AGBL4: variants seen among roughly 807,000 people sequenced by gnomAD.
The protein encoded by AGBL4 is cytosolic carboxypeptidase 6.
In AGBL4, 58 loss-of-function variants were observed where a neutral mutation model predicts 66.4. That is an observed-to-expected ratio of 0.87 (90% CI 0.71 to 1.09). The LOEUF is 1.09. Among genes scored for constraint, AGBL4 ranks in the 50% least tolerant of loss-of-function variants. The pLI, the probability that AGBL4 is intolerant of heterozygous loss-of-function variation, is 0.00. For synonymous variants in AGBL4, 234 were observed against 222.9 expected (o/e 1.05, Z -0.44); for missense variants, 579 against 631.0 (o/e 0.92, Z 0.88).
At chr1:48,531,698 A>G (rs1457418162), downstream of AGBL4, among the ~76,000 whole-genome samples, 3 of 152,070 alleles carry the variant, frequency 2.0e-5, no homozygotes, top group Non-Finnish European at 4.4e-5. Flanking sequence ...TTGTCCAATG[A>G]TGTCTGTTTA....
chr1:48,598,173 G>A (rs890586592), intron 9 of AGBL4, among the ~76,000 whole-genome samples: 3 of 152,184 alleles, frequency 2.0e-5, no homozygotes, highest in African/African-American at 7.2e-5. Flanking sequence ...CCTATGTACA[G>A]TAGAAAGACA....
chr1:49,476,498 C>T (rs755988788), intron 3 of AGBL4, among the ~76,000 whole-genome samples: 6 of 151,838 alleles, frequency 4.0e-5, no homozygotes, highest in East Asian at 1.9e-4. Context: ...ATGCTGTCAG[C>T]GAGATGTTGA....
intron 3 of AGBL4, among the ~76,000 whole-genome samples, chr1:49,602,634 C>T (rs1004546733): frequency 3.3e-5 from 5 of 151,574 alleles, no homozygotes; most frequent in African/African-American, 1.2e-4. Context: ...TAGGTGGGAG[C>T]TGGACAATGA....
chr1:48,877,287 A>G (rs1009897134), intron 5 of AGBL4, among the ~76,000 whole-genome samples: 1 of 152,164 alleles, frequency 6.6e-6, no homozygotes, highest in South Asian at 2.1e-4. Flanking sequence ...TTCCAAAGTT[A>G]TGCTATTTAT....
At chr1:49,291,901 C>A (rs953046935) in intron 3 of AGBL4, among the ~76,000 whole-genome samples, 9 of 152,162 alleles carry the variant, frequency 5.9e-5, no homozygotes, top group African/African-American at 2.2e-4. Flanking sequence ...CCCAAGCCAT[C>A]GATATGGAAC....
intron 7 of AGBL4, among the ~76,000 whole-genome samples, chr1:48,656,181 G>A (rs1418805542): frequency 6.6e-6 from 1 of 152,248 alleles, no homozygotes; most frequent in African/African-American, 2.4e-5. Context: ...TGAAATTAAA[G>A]CTGGAAGTTA....
chr1:49,997,434 AAGCAAC>A (rs1403775616), intron 1 of AGBL4, among the ~76,000 whole-genome samples: 1 of 152,180 alleles, frequency 6.6e-6, no homozygotes, highest in Non-Finnish European at 1.5e-5. Context: ...ACAGACTTTA[AAGCAAC>A]AGCAGTTAAA....
chr1:49,594,307 A>G (rs1644810155), intron 3 of AGBL4, among the ~76,000 whole-genome samples: 1 of 152,140 alleles, frequency 6.6e-6, no homozygotes, highest in African/African-American at 2.4e-5. Flanking sequence ...CTCATAGGCC[A>G]TTTGTTAATT....
intron 1 of AGBL4, among the ~76,000 whole-genome samples, chr1:49,896,608 A>AAC (rs58132063): frequency 0.037 from 4,887 of 133,698 alleles, 103 homozygotes; most frequent in Non-Finnish European, 0.044. Context: ...GACCCATGAA[A>AAC]ACACACACAC....
intron 6 of AGBL4, among the ~76,000 whole-genome samples, chr1:48,857,051 G>A (rs1647186823): frequency 6.6e-6 from 1 of 152,116 alleles, no homozygotes; most frequent in Non-Finnish European, 1.5e-5. Context: ...TTGTGTTCAC[G>A]TGGACAGTTC....
rs370506143 is a variant in AGBL4 at position 48,899,934 on chromosome 1, G to C, written c.595-32704C>G. 8.5e-5 allele frequency among the ~76,000 whole-genome samples: 13 copies of C among 152,254 alleles called. 1 individual carries two copies. Among genetic ancestry groups the C allele is most frequent in the African/African-American group, 3.1e-4 (13 of 41,528 alleles). On this transcript the variant is annotated intron_variant, in intron 5 of 13. Transcript: ENST00000371839. ...AAGTATCATGAAGAAATAAATATTG[G>C]GAGCTAGGAAATATTTAACAGGAAT...
intron 9 of AGBL4, among the ~76,000 whole-genome samples, chr1:48,617,736 G>A (rs1035510769): frequency 2.6e-5 from 4 of 152,028 alleles, no homozygotes; most frequent in East Asian, 3.9e-4. Flanking sequence ...GCCTTGGGGC[G>A]GCCCTTGGGC....
At chr1:48,798,550 G>C (rs1199712514) in intron 6 of AGBL4, among the ~76,000 whole-genome samples, 2 of 151,952 alleles carry the variant, frequency 1.3e-5, no homozygotes, top group African/African-American at 2.4e-5. Flanking sequence ...GCTTTGTTTT[G>C]TTGCATTTGC....
chr1:49,344,362 G>A (rs1221383482), intron 3 of AGBL4, among the ~76,000 whole-genome samples: 12 of 152,160 alleles, frequency 7.9e-5, no homozygotes, highest in Admixed American at 7.9e-4. Flanking sequence ...CATGTAAGGT[G>A]TATAAGGAAA....
At chr1:49,452,526 T>C (rs1646300103) in intron 3 of AGBL4, among the ~76,000 whole-genome samples, 1 of 151,856 alleles carries the variant, frequency 6.6e-6, no homozygotes, top group Admixed American at 6.6e-5. Context: ...GGTTCAATAG[T>C]CTCTTAGCAC....
rs1215233610 is a variant in AGBL4, at chr1:49,948,564, A to T, written c.34+75199T>A. Among the ~76,000 whole-genome samples the T allele has an allele frequency of 3.1e-4, 20 of 64,600 alleles. No homozygotes were observed. The East Asian group carries it at 3.7e-3, about 12-fold the overall frequency. The allele number at this position is 64,600 out of a possible 152,430, so 42.4% of individuals were successfully genotyped here. ...ATATAAATATATATAAATATATAAA[A>T]ATATATATATATATATATAGAGAGA... On this transcript the variant is annotated intron_variant, in intron 1 of 13. Transcript: ENST00000371839.
chr1:49,283,245 C>T (rs930631113), intron 3 of AGBL4, among the ~76,000 whole-genome samples: 7 of 152,126 alleles, frequency 4.6e-5, no homozygotes, highest in South Asian at 2.1e-4. Flanking sequence ...TGGGAGGCAC[C>T]CCCAAGCAGG....
intron 4 of AGBL4, among the ~76,000 whole-genome samples, chr1:49,233,504 G>A (rs1650486560): frequency 6.6e-6 from 1 of 152,180 alleles, no homozygotes; most frequent in Non-Finnish European, 1.5e-5. Flanking sequence ...CTCAGATTGA[G>A]GCTCTATGAC....
chr1:48,859,472 T>A (rs1325028096), intron 6 of AGBL4, among the ~76,000 whole-genome samples: 1 of 152,184 alleles, frequency 6.6e-6, no homozygotes, highest in East Asian at 1.9e-4. Context: ...TCGGCTTTTT[T>A]TCTTTTCCTG....
Sources: gnomAD v4.1 joint callset for allele counts (sites outside exome capture counted in the v4.1 genomes callset) on GRCh38, gnomAD v4.1.1 for gene constraint, MANE v1.5 for transcripts, NCBI Gene and HGNC (gene_info 2026-07-23, HGNC 2026-07-21) for gene names.